Variants in CCDC136 observed in about 807,000 individuals in gnomAD.
The protein encoded by CCDC136 is coiled-coil domain containing 136, also known as coiled-coil domain-containing protein 136.
Under a neutral mutation model 141.2 loss-of-function variants are expected in CCDC136, and 100 were observed. The observed-to-expected ratio is 0.71, with a 90% CI of 0.60 to 0.84. The LOEUF (loss-of-function observed/expected upper bound fraction) is 0.84, where lower values mean the gene tolerates loss of function less well. Ranked by LOEUF, CCDC136 falls within the 40% of genes least tolerant of loss-of-function variation. The pLI is 0.00. For missense variants in CCDC136, 1,206 were observed against 1,379.4 expected, an observed-to-expected ratio of 0.87 and a Z score of 1.99; for synonymous variants, 474 against 531.9, an observed-to-expected ratio of 0.89 and a Z score of 1.50.
rs1446027385 is a variant in CCDC136 at position 128,821,952 on chromosome 7, C to G, written c.*159C>G. 7.8e-7 allele frequency: 1 copy of G among 1,289,086 alleles called. No individual in the cohort carries two copies. Among genetic ancestry groups the G allele is most frequent in the African/African-American group, 1.5e-5 (1 of 65,822 alleles). The allele number at this position is 1,289,086 out of a possible 1,614,324, so 79.9% of individuals were successfully genotyped here. A position where few individuals can be genotyped will look rare whatever the true frequency, so the allele number is the denominator to read the frequency against. On this transcript the variant is annotated 3_prime_UTR_variant, in exon 18 of 18. Coordinates refer to ENST00000297788, the MANE Select transcript of CCDC136 (RefSeq NM_022742.5). The surrounding 1 kb of genome is among the most constrained non-coding windows in gnomAD (Gnocchi z 5.1). Reference sequence around the variant, plus strand: ...CGCGAGGGCAGATCCCCAGTGGCCACCACCCTCAGCTTTGGGCAGGACACA... The same window carrying G: ...CGCGAGGGCAGATCCCCAGTGGCCAGCACCCTCAGCTTTGGGCAGGACACA...
At position 128,811,807 on chromosome 7, in the gene CCDC136, A is replaced by T. The variant is rs753839236; in HGVS notation, c.2036A>T (p.Lys679Met). The T allele has an allele frequency of 3.5e-5, 55 of 1,573,874 alleles. No homozygotes were observed. The highest frequency in any genetic ancestry group is 1.7e-4 in the Middle Eastern group (1 of 5,856). ...SSKCNRNKQS[K>M]LLMEQMQALQ... ...CCCCACCCCTGCCCCCAGCAATCCA[A>T]GCTGCTCATGGAGCAGATGCAGGCC... Residue 679 changes from lysine to methionine, a missense_variant, in exon 13 of 18, where the codon AAG becomes ATG. Transcript: ENST00000297788.
At chr7:128,791,442 T>C, upstream of CCDC136, 1 of 1,273,828 alleles carries the variant, frequency 7.9e-7, no homozygotes, top group South Asian at 2.4e-5. The surrounding 1 kb of genome is among the most constrained non-coding windows in gnomAD (Gnocchi z 7.1). Flanking sequence ...GTCCCCGGGC[T>C]CGCGGCTGCG....
Position 128,810,197 on chromosome 7 carries a change from GC to G in CCDC136, c.1860del (p.Met621CysfsTer8). 6.2e-7 allele frequency: 1 copy of G among 1,609,514 alleles called. No homozygotes were observed. The highest frequency in any genetic ancestry group is 8.5e-7 in the Non-Finnish European group (1 of 1,177,798). On this transcript the variant is annotated frameshift_variant, in exon 12 of 18. Transcript: ENST00000297788. LOFTEE classifies it high-confidence loss of function. ...TGTGAGCTGCAGCTGCTCTACCAAG[GC>G]ATGCAGGAGGAACAGAAGAAGCTGA... is the stretch of plus-strand genomic sequence containing the variant. The part of the protein sequence containing the change: ...DLCELQLLYQ[G>X]MQEEQKKLIQ...
intron 16 of CCDC136, 116 bp downstream of exon 16, chr7:128,816,047 T>A: frequency 1.0e-6 from 1 of 986,408 alleles, no homozygotes; most frequent in Non-Finnish European, 1.5e-6. Flanking sequence ...GGCCTCGCGC[T>A]CTAAGGCACA....
rs1005112083 is a variant in CCDC136, at chr7:128,812,592, G to A, written c.2542-116G>A. The A allele has an allele frequency of 8.6e-6, 7 of 810,146 alleles. No homozygotes were observed. In the Admixed American group the frequency reaches 8.7e-5, roughly 10 times the overall value. 50.2% of individuals were successfully genotyped at this position (810,146 alleles called of 1,614,324 possible). A position where few individuals can be genotyped will look rare whatever the true frequency, so the allele number is the denominator to read the frequency against. On this transcript the variant is annotated intron_variant, in intron 13 of 17. Transcript: ENST00000297788. ...ATGGGGGTAAATATAGTAATCCCCC[G>A]CGGGCATCTCTGGATCCTGGTGGCC...
In CCDC136 at chr7:128,809,532, A is replaced by C. The variant is rs1222433798; in HGVS notation, c.1688A>C (p.Glu563Ala). 5.1e-6 allele frequency: 8 copies of C among 1,557,296 alleles called. No individual in the cohort carries two copies. Among genetic ancestry groups the C allele is most frequent in the Middle Eastern group, 4.3e-4 (2 of 4,698 alleles). ...AAGGAGATGGGGCAGCTGCAGATGG[A>C]GCAGTGTGAGCTCCTGGAGGATCAG... is the stretch of plus-strand genomic sequence containing the variant. ...SQKEMGQLQMEQCELLEDQRR... is the reference protein window; with the variant it reads ...SQKEMGQLQMAQCELLEDQRR... Residue 563 changes from glutamate (E) to alanine (A), a missense_variant, in exon 11 of 18, where the codon GAG becomes GCG. Glu to Ala is a moderately radical substitution (Grantham distance 107). Transcript: ENST00000297788.
At chr7:128,795,980 T>G (rs189163106) in intron 3 of CCDC136, among the ~76,000 whole-genome samples, 58 of 152,230 alleles carry the variant, frequency 3.8e-4, no homozygotes, top group Non-Finnish European at 7.5e-4. Flanking sequence ...TGGGAGTTTA[T>G]TTTATTTTAT....
chr7:128,813,913 C>T (rs1005445368), intron 14 of CCDC136, among the ~76,000 whole-genome samples: 1 of 151,790 alleles, frequency 6.6e-6, no homozygotes, highest in East Asian at 2.0e-4. Context: ...ATCCAGGAGG[C>T]GGAGGTTGCG....
chr7:128,812,932 A>C lies in CCDC136; in HGVS notation c.2763+3A>C, dbSNP rs777176966. ...CCCCCCAGAACGACAAGAATGAGGT[A>C]ACCACTGTCAGGGAGGCAGGGTTTC... On this transcript the variant is annotated splice_donor_region_variant and intron_variant, in intron 14 of 17. Coordinates refer to ENST00000297788, the MANE Select transcript of CCDC136 (RefSeq NM_022742.5). 10 of 1,595,906 alleles carry C rather than the reference A, an allele frequency of 6.3e-6. No individual in the cohort carries two copies. The East Asian group carries it at 2.0e-4, about 33-fold the overall frequency.
chr7:128,807,587 T>G, intron 10 of CCDC136, 42 bp downstream of exon 10: 1 of 1,299,430 alleles, frequency 7.7e-7, no homozygotes, highest in Non-Finnish European at 1.0e-6. Flanking sequence ...GGGCACTTGC[T>G]CCAGAGAGAA....
In CCDC136 at chr7:128,794,953, T is replaced by C. The variant is rs1263696135; in HGVS notation, c.346+185T>C. Among the ~76,000 whole-genome samples, 2 of 152,204 alleles carry C rather than the reference T, an allele frequency of 1.3e-5. No individual in the cohort carries two copies. The highest frequency in any genetic ancestry group is 3.8e-4 in the East Asian group (2 of 5,204). The stretch of plus-strand genomic sequence containing the variant: ...TCTCTCCATCCTCCTCTGTCCCCAG[T>C]TTTCTTTCTTTGCACATCTACCTGG... On this transcript the variant is annotated intron_variant, in intron 3 of 17. Coordinates refer to ENST00000297788, the MANE Select transcript of CCDC136 (RefSeq NM_022742.5). The surrounding 1 kb of genome is among the most constrained non-coding windows in gnomAD (Gnocchi z 4.3).
upstream of CCDC136, chr7:128,791,377 G>A: frequency 3.0e-6 from 2 of 674,118 alleles, no homozygotes; most frequent in African/African-American, 1.9e-5. This position sits in a 1 kb window ranked among gnomAD's most constrained non-coding sequence, Gnocchi z 7.1. Flanking sequence ...CAGGAGGCCC[G>A]GCCAGGCCCC....
intron 3 of CCDC136, among the ~76,000 whole-genome samples, chr7:128,796,132 C>T (rs1392634979): frequency 2.0e-5 from 3 of 152,162 alleles, no homozygotes; most frequent in Non-Finnish European, 4.4e-5. Flanking sequence ...TGCGCCACCA[C>T]ACCTGGCTAA....
chr7:128,807,158 T>A (rs2128911879), intron 9 of CCDC136, among the ~76,000 whole-genome samples: 1 of 152,198 alleles, frequency 6.6e-6, no homozygotes, highest in East Asian at 1.9e-4. Flanking sequence ...ATTTATTTAT[T>A]TAACTGGAAA....
At chr7:128,795,557 C>T (rs548113015) in intron 3 of CCDC136, among the ~76,000 whole-genome samples, 13 of 151,746 alleles carry the variant, frequency 8.6e-5, no homozygotes, top group South Asian at 2.1e-4. Flanking sequence ...GGAGAGGAGA[C>T]GGGGACAGAA....
intron 16 of CCDC136, among the ~76,000 whole-genome samples, chr7:128,816,830 TGTG>T (rs1365600746): frequency 6.6e-6 from 1 of 152,208 alleles, no homozygotes; most frequent in Non-Finnish European, 1.5e-5. Flanking sequence ...AAAAGCCTCT[TGTG>T]GTGGGATTAT....
intron 3 of CCDC136, among the ~76,000 whole-genome samples, chr7:128,796,059 T>C (rs1802896435): frequency 6.6e-6 from 1 of 152,208 alleles, no homozygotes; most frequent in Admixed American, 6.5e-5. Flanking sequence ...CACTTCAACC[T>C]CTGCCTCCCA....
rs959012381 is a variant in CCDC136, at chr7:128,810,203, A to G, written c.1865A>G (p.Gln622Arg). The change falls in exon 12 of 18, where the codon CAG (glutamine) becomes CGG (arginine). Residue 622 changes from glutamine to arginine, a missense_variant. Transcript: ENST00000297788. Reference sequence around the variant, plus strand: ...CTGCAGCTGCTCTACCAAGGCATGCAGGAGGAACAGAAGAAGCTGATACAG... The same window carrying G: ...CTGCAGCTGCTCTACCAAGGCATGCGGGAGGAACAGAAGAAGCTGATACAG... ...CELQLLYQGM[Q>R]EEQKKLIQNQ... 1 of 1,610,470 alleles carries G rather than the reference A, an allele frequency of 6.2e-7. No homozygotes were observed. Among genetic ancestry groups the G allele is most frequent in the Non-Finnish European group, 8.5e-7 (1 of 1,178,300 alleles).
At chr7:128,815,167 G>A (rs1806400892) in intron 15 of CCDC136, among the ~76,000 whole-genome samples, 1 of 152,292 alleles carries the variant, frequency 6.6e-6, no homozygotes, top group Non-Finnish European at 1.5e-5. Context: ...CAGCCCCTAG[G>A]CTGGACAACT....
Sources: allele counts gnomAD v4.1 joint callset (sites outside exome capture counted in the v4.1 genomes callset), GRCh38; gene constraint gnomAD v4.1.1; non-coding constraint Gnocchi (gnomAD v3.1); transcripts MANE v1.5; gene names NCBI Gene and HGNC (gene_info 2026-07-23, HGNC 2026-07-21).